The following CDC14A variants were observed in gnomAD, a reference collection of about 807,000 sequenced individuals.
The protein encoded by CDC14A is cell division cycle 14A.
CDC14A carries 53 observed loss-of-function variants against 74.4 expected under a neutral mutation model. That is an observed-to-expected ratio of 0.71 (90% CI 0.57 to 0.89). The LOEUF is 0.89. Ranked by LOEUF, CDC14A falls within the 40% of genes least tolerant of loss-of-function variation. The probability of loss-of-function intolerance (pLI) is 0.00; values close to 1 mark genes in which losing one functional copy is unlikely to be tolerated. For synonymous variants in CDC14A, 247 were observed against 258.4 expected (o/e 0.96, Z 0.43); for missense variants, 646 against 713.7 (o/e 0.91, Z 1.08).
chr1:100,480,969 C>T (rs1669406844), intron 10 of CDC14A: 1 of 152,148 alleles, frequency 6.6e-6, no homozygotes, highest in Non-Finnish European at 1.5e-5. Context: ...AAACATCTTC[C>T]TAGTGAATCT....
upstream of CDC14A, among the ~76,000 whole-genome samples, chr1:100,348,059 G>T (rs553345102): frequency 1.3e-5 from 2 of 152,060 alleles, no homozygotes; most frequent in African/African-American, 2.4e-5. Context: ...CGAGGTGGGC[G>T]GATCACGAGG....
intron 11 of CDC14A, among the ~76,000 whole-genome samples, chr1:100,489,798 T>C (rs1407376072): frequency 6.6e-6 from 1 of 151,982 alleles, no homozygotes; most frequent in African/African-American, 2.4e-5. Flanking sequence ...CTAGGTAGGG[T>C]TCTTCATTGT....
Position 100,390,738 on chromosome 1 carries a change from A to C in CDC14A, c.223A>C (p.Ser75Arg). ...TTTTATCTCCTCTTTCTAGTCATACAGTTTGTCAAGAAAGAAAATAGTGCA... is the reference window on the plus strand; with the variant it reads ...TTTTATCTCCTCTTTCTAGTCATACCGTTTGTCAAGAAAGAAAATAGTGCA... ...CKLNKKLKSY[S>R]LSRKKIVHYT... Residue 75 changes from serine to arginine, a missense_variant, in exon 4 of 16, where the codon AGT (serine) becomes CGT (arginine). Transcript: ENST00000336454. 6.2e-7 allele frequency: 1 copy of C among 1,604,504 alleles called. No individual in the cohort carries two copies. The highest frequency in any genetic ancestry group is 8.5e-7 in the Non-Finnish European group (1 of 1,171,810).
At chr1:100,422,318 CT>C (rs898386498) in intron 4 of CDC14A, among the ~76,000 whole-genome samples, 5 of 152,144 alleles carry the variant, frequency 3.3e-5, no homozygotes, top group African/African-American at 4.8e-5. Flanking sequence ...GTAATTGCTC[CT>C]GGGGAGGAAA....
intron 15 of CDC14A, among the ~76,000 whole-genome samples, chr1:100,506,982 C>G (rs372792159): frequency 6.6e-6 from 1 of 152,132 alleles, no homozygotes; most frequent in Non-Finnish European, 1.5e-5. Context: ...TTGAGACCAG[C>G]CTAGGCAATA....
chr1:100,459,124 C>CAGAGAGAGAG (rs1212963314), intron 8 of CDC14A, among the ~76,000 whole-genome samples: 47 of 146,954 alleles, frequency 3.2e-4, no homozygotes, highest in African/African-American at 1.2e-3. Flanking sequence ...CACACACACA[C>CAGAGAGAGAG]ACAGAGAGAG....
intron 4 of CDC14A, among the ~76,000 whole-genome samples, chr1:100,416,763 G>A (rs866934924): frequency 2.6e-5 from 4 of 152,118 alleles, no homozygotes; most frequent in Non-Finnish European, 4.4e-5. Flanking sequence ...ATAATTTTGA[G>A]CACTTTACAT....
intron 10 of CDC14A, among the ~76,000 whole-genome samples, chr1:100,481,857 T>C (rs1160028936): frequency 6.6e-6 from 1 of 152,234 alleles, no homozygotes. Flanking sequence ...TACTAAATGC[T>C]TAAAAATACA....
At chr1:100,440,498 T>TAA (rs1029667401) in intron 6 of CDC14A, among the ~76,000 whole-genome samples, 2 of 152,170 alleles carry the variant, frequency 1.3e-5, no homozygotes, top group African/African-American at 4.8e-5. Flanking sequence ...TTTCTGTATA[T>TAA]AATGGAGAAG....
At chr1:100,371,273 A>G (rs1331412658) in intron 2 of CDC14A, among the ~76,000 whole-genome samples, 1 of 152,110 alleles carries the variant, frequency 6.6e-6, no homozygotes, top group Non-Finnish European at 1.5e-5. Flanking sequence ...TTATTTTCCT[A>G]TTTGAGTGCC....
intron 4 of CDC14A, among the ~76,000 whole-genome samples, chr1:100,402,138 G>GA (rs34408247): frequency 0.034 from 4,786 of 141,500 alleles, 168 homozygotes; most frequent in East Asian, 0.14. Context: ...CATTCATTAT[G>GA]AAAAAAAAAA....
chr1:100,372,174 C>A (rs1462988175), intron 2 of CDC14A, among the ~76,000 whole-genome samples: 1 of 152,196 alleles, frequency 6.6e-6, no homozygotes, highest in Non-Finnish European at 1.5e-5. Flanking sequence ...ATCATCTGAG[C>A]CTTTAGCAAG....
intron 3 of CDC14A, among the ~76,000 whole-genome samples, chr1:100,389,357 C>A (rs1657354124): frequency 6.7e-6 from 1 of 149,696 alleles, no homozygotes; most frequent in Non-Finnish European, 1.5e-5. Flanking sequence ...GCATGGGAGG[C>A]AAGAGAATGG....
At chr1:100,459,126 C>CACACACACACACACACAG (rs1279905046) in intron 8 of CDC14A, among the ~76,000 whole-genome samples, 7 of 144,572 alleles carry the variant, frequency 4.8e-5, no homozygotes, top group African/African-American at 1.8e-4. Flanking sequence ...CACACACACA[C>CACACACACACACACACAG]AGAGAGAGAG....
chr1:100,456,440 T>A (rs1212879540), intron 8 of CDC14A, among the ~76,000 whole-genome samples: 4 of 150,636 alleles, frequency 2.7e-5, no homozygotes, highest in African/African-American at 9.9e-5. Flanking sequence ...CCCCCCCCTT[T>A]TTTTTTCTAT....
intron 4 of CDC14A, among the ~76,000 whole-genome samples, chr1:100,405,771 G>A (rs1443948067): frequency 1.3e-5 from 2 of 152,100 alleles, no homozygotes; most frequent in South Asian, 2.1e-4. Flanking sequence ...TCTTTATCCA[G>A]TCTATTATTG....
rs143070881 is a variant in CDC14A, at chr1:100,478,399, G to C, written c.978-5893G>C. ...TGATAGATAACCTATATCACAGATA[G>C]ATAGATCTATCTGTGACAGATAACC... On this transcript the variant is annotated intron_variant, in intron 10 of 15. Coordinates refer to ENST00000336454, the MANE Select transcript of CDC14A (RefSeq NM_003672.4). 1.0e-3 allele frequency among the ~76,000 whole-genome samples: 152 copies of C among 152,208 alleles called. 1 individual carries two copies. In the East Asian group the frequency reaches 0.02, roughly 20 times the overall value.
chr1:100,452,265 A>C (rs1004773610), intron 7 of CDC14A, among the ~76,000 whole-genome samples: 10 of 152,148 alleles, frequency 6.6e-5, no homozygotes, highest in Non-Finnish European at 1.3e-4. Flanking sequence ...TAATCCCAGC[A>C]CTTTGGGAGG....
At position 100,477,885 on chromosome 1, in the gene CDC14A, C is replaced by G. The variant is rs116370077; in HGVS notation, c.978-6407C>G. On this transcript the variant is annotated intron_variant, in intron 10 of 15. Coordinates refer to ENST00000336454, the MANE Select transcript of CDC14A (RefSeq NM_003672.4). ...TAGAAAGGCTGGTTTGTCATATCCT[C>G]CTAGTCCTTGAGGACCAAAATATGT... Among the ~76,000 whole-genome samples the G allele has an allele frequency of 4.3e-3, 658 of 152,262 alleles. 5 individuals are homozygous for G. Among genetic ancestry groups the G allele is most frequent in the African/African-American group, 0.015 (625 of 41,554 alleles).
Sources: allele counts gnomAD v4.1 joint callset (sites outside exome capture counted in the v4.1 genomes callset), GRCh38; gene constraint gnomAD v4.1.1; transcripts MANE v1.5; gene names NCBI Gene and HGNC (gene_info 2026-07-23, HGNC 2026-07-21).